The following ACOT11 variants were observed in gnomAD, a reference collection of about 807,000 sequenced individuals.
ACOT11 encodes acyl-CoA thioesterase 11, also known as acyl-coenzyme A thioesterase 11.
Under a neutral mutation model 77.5 loss-of-function variants are expected in ACOT11, and 69 were observed. That is an observed-to-expected ratio of 0.89 (90% CI 0.73 to 1.09). The LOEUF (loss-of-function observed/expected upper bound fraction) is 1.09, where lower values mean the gene tolerates loss of function less well. Ranked by LOEUF, ACOT11 falls within the 50% of genes least tolerant of loss-of-function variation. ACOT11 has a pLI of 0.00. For missense variants in ACOT11, 766 were observed against 813.7 expected (o/e 0.94, Z 0.71); for synonymous variants, 279 against 313.0 (o/e 0.89, Z 1.15).
downstream of ACOT11, chr1:54,610,679 A>G: frequency 1.4e-6 from 2 of 1,437,972 alleles, no homozygotes; most frequent in Non-Finnish European, 1.8e-6. Flanking sequence ...CACCCTGCCA[A>G]GTAGCTCTCA....
chr1:54,568,358 C>CTTTT (rs71045196), intron 1 of ACOT11, among the ~76,000 whole-genome samples: 23 of 80,578 alleles, frequency 2.9e-4, no homozygotes, highest in Non-Finnish European at 4.3e-4. Context: ...TTCCCAGCAC[C>CTTTT]TTTTTTTTTT....
chr1:54,610,376 G>C (rs1467698706), downstream of ACOT11: 1 of 1,605,204 alleles, frequency 6.2e-7, no homozygotes, highest in Non-Finnish European at 8.5e-7. Context: ...CCCTGCAGAT[G>C]AGCTGGGAGC....
intron 15 of ACOT11, chr1:54,615,976 C>T: frequency 2.5e-6 from 4 of 1,604,054 alleles, no homozygotes; most frequent in Non-Finnish European, 3.4e-6. Flanking sequence ...TGCCCCAGGG[C>T]CAGAGGGCTG....
chr1:54,606,895 T>A (rs1299849903), intron 13 of ACOT11, among the ~76,000 whole-genome samples: 1 of 152,236 alleles, frequency 6.6e-6, no homozygotes, highest in Non-Finnish European at 1.5e-5. Flanking sequence ...CATGTCTGTG[T>A]GTATGTGTTC....
downstream of ACOT11, chr1:54,614,978 G>C (rs1644157699): frequency 1.0e-6 from 1 of 989,258 alleles, no homozygotes; most frequent in South Asian, 1.6e-5. Flanking sequence ...AGTGGAGTCA[G>C]GGGAGGGCGG....
chr1:54,623,287 G>T (rs376410310), intron 15 of ACOT11: 9 of 1,613,338 alleles, frequency 5.6e-6, no homozygotes, highest in Non-Finnish European at 7.6e-6. Flanking sequence ...CCTGGCCGCC[G>T]CAGGGTGATG....
intron 16 of ACOT11, among the ~76,000 whole-genome samples, chr1:54,634,360 T>A (rs1461269127): frequency 6.6e-6 from 1 of 152,200 alleles, no homozygotes; most frequent in Non-Finnish European, 1.5e-5. Context: ...GCTCAAAAAG[T>A]AAAGTTTTTC....
chr1:54,612,393 G>T, downstream of ACOT11: 1 of 879,186 alleles, frequency 1.1e-6, no homozygotes, highest in Non-Finnish European at 1.8e-6. Context: ...TGGACGAAAT[G>T]ACCTTTAAGA....
chr1:54,554,460 TCCTG>T (rs1653193036), intron 1 of ACOT11, among the ~76,000 whole-genome samples: 1 of 150,468 alleles, frequency 6.6e-6, no homozygotes, highest in South Asian at 2.1e-4. Context: ...CAAGCAAGCC[TCCTG>T]CCTCAGCCAC....
At chr1:54,577,080 C>T (rs750659373) in intron 1 of ACOT11, among the ~76,000 whole-genome samples, 5 of 152,130 alleles carry the variant, frequency 3.3e-5, no homozygotes, top group Non-Finnish European at 7.4e-5. Context: ...TTTAAATTAG[C>T]AGATTGACTT....
chr1:54,636,005 T>C (rs1193641276), exon 17 of ACOT11: 1 of 152,296 alleles, frequency 6.6e-6, no homozygotes, highest in Admixed American at 6.5e-5. Context: ...GATCTGTGTC[T>C]TACGGGTGTG....
intron 1 of ACOT11, among the ~76,000 whole-genome samples, chr1:54,583,123 G>A (rs1300345169): frequency 6.6e-6 from 1 of 152,136 alleles, no homozygotes; most frequent in Non-Finnish European, 1.5e-5. Context: ...CGGCCTTCCA[G>A]CTACCTGTGA....
At chr1:54,580,320 T>C (rs1279878862) in intron 1 of ACOT11, among the ~76,000 whole-genome samples, 2 of 152,176 alleles carry the variant, frequency 1.3e-5, no homozygotes, top group Non-Finnish European at 2.9e-5. Flanking sequence ...GTTGCTCCAG[T>C]TGGGGTCTGC....
downstream of ACOT11, chr1:54,612,602 C>T (rs1261155913): frequency 2.5e-6 from 4 of 1,613,986 alleles, no homozygotes; most frequent in South Asian, 3.3e-5. Context: ...GCATCTTCTC[C>T]ACCATGGCTT....
At chr1:54,628,536 G>A (rs1434449079) in intron 15 of ACOT11, 1 of 128,446 alleles carries the variant, frequency 7.8e-6, no homozygotes, top group Non-Finnish European at 1.8e-5. Context: ...AGCTACCCAG[G>A]AGGTGGGAGG....
At chr1:54,589,672 A>C (rs1021093696) in intron 3 of ACOT11, among the ~76,000 whole-genome samples, 1 of 151,932 alleles carries the variant, frequency 6.6e-6, no homozygotes, top group Non-Finnish European at 1.5e-5. Context: ...TTTTTTGTAG[A>C]GATGAGGTCT....
chr1:54,567,738 C>G (rs752593931), intron 1 of ACOT11, among the ~76,000 whole-genome samples: 1 of 152,170 alleles, frequency 6.6e-6, no homozygotes, highest in Non-Finnish European at 1.5e-5. Flanking sequence ...TTCTCACACA[C>G]GTGGAGTCCT....
intron 1 of ACOT11, among the ~76,000 whole-genome samples, chr1:54,581,510 G>T (rs921932941): frequency 6.6e-6 from 1 of 152,182 alleles, no homozygotes; most frequent in Admixed American, 6.5e-5. Flanking sequence ...GACCCTGCAG[G>T]TCTGTGACAT....
intron 1 of ACOT11, among the ~76,000 whole-genome samples, chr1:54,556,745 C>A (rs770394591): frequency 2.0e-5 from 3 of 151,926 alleles, no homozygotes; most frequent in African/African-American, 4.8e-5. Flanking sequence ...CCATGCCTGG[C>A]TAATTTTTGT....
Sources: allele counts gnomAD v4.1 joint callset (sites outside exome capture counted in the v4.1 genomes callset), GRCh38; gene constraint gnomAD v4.1.1; transcripts MANE v1.5; gene names NCBI Gene and HGNC (gene_info 2026-07-23, HGNC 2026-07-21).